The following SPINK5 variants were observed in gnomAD, a reference collection of about 807,000 sequenced individuals.
SPINK5 encodes serine protease inhibitor Kazal-type 5.
Under a neutral mutation model 151.8 loss-of-function variants are expected in SPINK5, and 125 were observed. The observed-to-expected ratio is 0.82, with a 90% confidence interval of 0.71 to 0.96. The LOEUF (loss-of-function observed/expected upper bound fraction) is 0.96. Ranked by LOEUF, SPINK5 falls within the 40% of genes least tolerant of loss-of-function variation. The pLI, the probability that SPINK5 is intolerant of heterozygous loss-of-function variation, is 0.00. For missense variants in SPINK5, 1,194 were observed against 1,291.9 expected (o/e 0.92, Z 1.16); for synonymous variants, 374 against 395.3 (o/e 0.95, Z 0.64).
intron 24 of SPINK5, among the ~76,000 whole-genome samples, chr5:148,119,446 A>G (rs2113190719): frequency 6.6e-6 from 1 of 152,336 alleles, no homozygotes; most frequent in Middle Eastern, 3.4e-3. Context: ...GTAAAATAAC[A>G]CACATTTATT....
At chr5:148,108,732 T>C (rs1334201740) in intron 17 of SPINK5, 21 bp from the exon 18 acceptor site, 2 of 1,608,322 alleles carry the variant, frequency 1.2e-6, no homozygotes, top group East Asian at 2.2e-5. Flanking sequence ...ATTCAGCCTA[T>C]ATCTTCTTTT....
At chr5:148,100,326 AG>A in intron 12 of SPINK5, 127 bp from the exon 13 acceptor site, 2 of 1,049,700 alleles carry the variant, frequency 1.9e-6, no homozygotes, top group Non-Finnish European at 2.8e-6. Context: ...TTTACATTTG[AG>A]AAAAACACAA....
chr5:148,086,864 TATA>T (rs1465682242), intron 5 of SPINK5, among the ~76,000 whole-genome samples: 2 of 149,834 alleles, frequency 1.3e-5, no homozygotes, highest in African/African-American at 2.4e-5. Flanking sequence ...ATAGCTTTAA[TATA>T]ATAAAACAGA....
At chr5:148,098,088 C>G in intron 11 of SPINK5, 94 bp downstream of exon 11, 1 of 1,220,658 alleles carries the variant, frequency 8.2e-7, no homozygotes, top group South Asian at 1.3e-5. Flanking sequence ...GACTGTGGCT[C>G]AAGACAGGGA....
intron 21 of SPINK5, 75 bp downstream of exon 21, chr5:148,114,564 T>C (rs892655397): frequency 4.1e-5 from 66 of 1,596,222 alleles, no homozygotes; most frequent in Non-Finnish European, 5.6e-5. Context: ...ATAATATGTA[T>C]TGTGTTTGTC....
intron 4 of SPINK5, among the ~76,000 whole-genome samples, chr5:148,085,418 AAAAGTT>A (rs1385064460): frequency 6.6e-6 from 1 of 151,978 alleles, no homozygotes; most frequent in African/African-American, 2.4e-5. Flanking sequence ...GGTTTTAGGT[AAAAGTT>A]AAAGTCAAGT....
At chr5:148,114,310 A>T (rs1295387828) in intron 20 of SPINK5, 52 bp from the exon 21 acceptor site, 5 of 1,594,468 alleles carry the variant, frequency 3.1e-6, no homozygotes, top group Non-Finnish European at 4.3e-6. Flanking sequence ...GGAACCCAGT[A>T]AACTAATTTC....
At chr5:148,130,802 G>A (rs1310428184) in intron 30 of SPINK5, among the ~76,000 whole-genome samples, 1 of 152,078 alleles carries the variant, frequency 6.6e-6, no homozygotes, top group Non-Finnish European at 1.5e-5. Context: ...GCTGAGAAAA[G>A]TTAGATAAGT....
chr5:148,114,336 G>A, intron 20 of SPINK5, 26 bp from the exon 21 acceptor site: 1 of 1,600,174 alleles, frequency 6.2e-7, no homozygotes, highest in Non-Finnish European at 8.5e-7. Flanking sequence ...AGATACTCAA[G>A]CTTTCTCCTT....
intron 4 of SPINK5, among the ~76,000 whole-genome samples, chr5:148,079,562 A>C (rs1752966463): frequency 6.6e-6 from 1 of 151,262 alleles, no homozygotes; most frequent in African/African-American, 2.4e-5. Flanking sequence ...ATCATTACCA[A>C]ATAAGAATTA....
chr5:148,089,361 C>T (rs1375266141), intron 6 of SPINK5, 133 bp from the exon 7 acceptor site: 4 of 1,153,714 alleles, frequency 3.5e-6, no homozygotes, highest in Non-Finnish European at 5.2e-6. Context: ...TACTGAGCTA[C>T]ATCTACACAG....
intron 7 of SPINK5, among the ~76,000 whole-genome samples, chr5:148,090,399 TG>T (rs1434615129): frequency 2.0e-5 from 3 of 151,850 alleles, no homozygotes; most frequent in Non-Finnish European, 4.4e-5. Flanking sequence ...TGATGATAAC[TG>T]GTTTCCAGAC....
At chr5:148,110,499 A>T (rs1163444089) in intron 18 of SPINK5, among the ~76,000 whole-genome samples, 1 of 152,206 alleles carries the variant, frequency 6.6e-6, no homozygotes, top group Non-Finnish European at 1.5e-5. Context: ...ATCACTTGTT[A>T]TGCCAACAAT....
chr5:148,076,941 G>A (rs1405732882), intron 4 of SPINK5, among the ~76,000 whole-genome samples: 1 of 151,264 alleles, frequency 6.6e-6, no homozygotes, highest in Non-Finnish European at 1.5e-5. Flanking sequence ...AGACAATAGA[G>A]AAGAAAAATG....
intron 8 of SPINK5, among the ~76,000 whole-genome samples, chr5:148,093,561 A>C (rs561696057): frequency 6.6e-6 from 1 of 152,046 alleles, no homozygotes; most frequent in Admixed American, 6.6e-5. Flanking sequence ...GTTGGATAAC[A>C]TCTTGTTTCT....
At chr5:148,127,796 T>A (rs1268212962) in intron 30 of SPINK5, among the ~76,000 whole-genome samples, 6 of 152,168 alleles carry the variant, frequency 3.9e-5, no homozygotes, top group Non-Finnish European at 8.8e-5. Flanking sequence ...TGGTCGAGGC[T>A]ACCATGAGCC....
intron 28 of SPINK5, 103 bp downstream of exon 28, chr5:148,124,940 T>G: frequency 7.7e-7 from 1 of 1,304,068 alleles, no homozygotes; most frequent in Middle Eastern, 2.6e-4. Flanking sequence ...ATATCTTAAC[T>G]TCAAAGAAAA....
intron 18 of SPINK5, among the ~76,000 whole-genome samples, chr5:148,109,745 T>C (rs1753873058): frequency 6.6e-6 from 1 of 152,124 alleles, no homozygotes; most frequent in Non-Finnish European, 1.5e-5. Context: ...GCTCTTACCT[T>C]TGCTCTCTAC....
intron 6 of SPINK5, chr5:148,089,136 T>G (rs1561681967): frequency 2.1e-6 from 1 of 466,686 alleles, no homozygotes; most frequent in Non-Finnish European, 4.3e-6. Flanking sequence ...GCCCTTTTTA[T>G]AAGCTTCCAG....
Sources: allele counts gnomAD v4.1 joint callset (sites outside exome capture counted in the v4.1 genomes callset), GRCh38; gene constraint gnomAD v4.1.1; transcripts MANE v1.5; gene names NCBI Gene and HGNC (gene_info 2026-07-23, HGNC 2026-07-21).